Variants in USP34 observed in about 807,000 individuals in gnomAD.
USP34 encodes the protein ubiquitin specific peptidase 34.
A neutral mutation model predicts 460.3 loss-of-function variants in USP34; 70 were observed. The observed-to-expected ratio is 0.15, with a 90% CI of 0.13 to 0.19. USP34 has a LOEUF of 0.19. Ranked by LOEUF, USP34 falls within the 10% of genes least tolerant of loss-of-function variation. The pLI, the probability that USP34 is intolerant of heterozygous loss-of-function variation, is 1.00. For missense variants in USP34, 3,985 were observed against 4,236.2 expected, an observed-to-expected ratio of 0.94 and a Z score of 1.65; for synonymous variants, 1,647 against 1,405.3, an observed-to-expected ratio of 1.17 and a Z score of -3.85.
intron 1 of USP34, among the ~76,000 whole-genome samples, chr2:61,452,173 C>CAA (rs1348958546): frequency 3.5e-4 from 24 of 68,778 alleles, no homozygotes; most frequent in African/African-American, 7.0e-4. Context: ...GACTCCGTCT[C>CAA]AAAAAAAAAA....
chr2:61,327,103 T>A (rs1376019344), intron 20 of USP34, among the ~76,000 whole-genome samples: 2 of 152,044 alleles, frequency 1.3e-5, no homozygotes, highest in African/African-American at 4.8e-5. Flanking sequence ...CTTAATTCAA[T>A]GTCCTGTAAT....
chr2:61,340,631 G>A (rs745452101), intron 16 of USP34, among the ~76,000 whole-genome samples: 38 of 152,116 alleles, frequency 2.5e-4, no homozygotes, highest in Non-Finnish European at 4.3e-4. Flanking sequence ...TAAGGTATGT[G>A]GTAGAATCTC....
At chr2:61,446,613 T>A (rs1695124594) in intron 1 of USP34, among the ~76,000 whole-genome samples, 1 of 151,966 alleles carries the variant, frequency 6.6e-6, no homozygotes, top group Non-Finnish European at 1.5e-5. Context: ...CTGGCCAACA[T>A]GGTGAAGCCC....
At chr2:61,209,710 T>G (rs1435417500) in intron 69 of USP34, among the ~76,000 whole-genome samples, 2 of 152,214 alleles carry the variant, frequency 1.3e-5, no homozygotes, top group Non-Finnish European at 2.9e-5. Flanking sequence ...TTACTACTTA[T>G]TTCAAAAAAA....
intron 1 of USP34, among the ~76,000 whole-genome samples, chr2:61,430,551 A>G (rs781615452): frequency 6.6e-6 from 1 of 152,224 alleles, no homozygotes; most frequent in Non-Finnish European, 1.5e-5. Flanking sequence ...TGTGGTTCTT[A>G]TATGAGTGTA....
Position 61,223,178 on chromosome 2 carries a change from A to C in USP34, c.7645-14T>G. The C allele has an allele frequency of 6.2e-7, 1 of 1,613,356 alleles. No individual in the cohort carries two copies. The highest frequency in any genetic ancestry group is 8.5e-7 in the Non-Finnish European group (1 of 1,179,558). The stretch of plus-strand genomic sequence containing the variant: ...GAAGGGAAATCCCTGTCAAAAGCAA[A>C]AGTTGTTCATTTAAGAACCGTTATT... On this transcript the variant is annotated splice_polypyrimidine_tract_variant and intron_variant, in intron 63 of 79. Coordinates refer to ENST00000398571, the MANE Select transcript of USP34 (RefSeq NM_014709.4).
At chr2:61,205,882 A>C in intron 72 of USP34, 135 bp downstream of exon 72, 1 of 606,160 alleles carries the variant, frequency 1.6e-6, no homozygotes, top group Non-Finnish European at 2.9e-6. Context: ...TTTTCTTAGG[A>C]CCTGCTAGCT....
intron 74 of USP34, among the ~76,000 whole-genome samples, 164 bp from the exon 75 acceptor site, chr2:61,203,427 C>T (rs546720297): frequency 5.5e-4 from 83 of 152,072 alleles, no homozygotes; most frequent in Admixed American, 1.8e-3. Context: ...TCTTAATTGT[C>T]GTAAGTTTAT....
rs1449650921 is a variant in USP34 at position 61,350,381 on chromosome 2, G to A, written c.1386C>T (p.Tyr462=). 1 of 1,607,136 alleles carries A rather than the reference G, an allele frequency of 6.2e-7. No individual in the cohort carries two copies. Among genetic ancestry groups the A allele is most frequent in the East Asian group, 2.2e-5 (1 of 44,772 alleles). The stretch of plus-strand genomic sequence containing the variant: ...GTGCTTTAATTAACATGGATGCCAA[G>A]TACAGTGTCTAAAAAAAAGAGGGAG... ...EPSVHTEQTL[Y]LASMLIKALW... is the part of the protein sequence containing the mutation. The change falls in exon 12 of 80, where the codon TAC becomes TAT. Residue 462 remains tyrosine (Y), a synonymous_variant. Transcript: ENST00000398571.
At chr2:61,366,257 A>C (rs1014472455) in intron 10 of USP34, among the ~76,000 whole-genome samples, 7 of 152,300 alleles carry the variant, frequency 4.6e-5, no homozygotes, top group Admixed American at 2.6e-4. Flanking sequence ...ATAGGTAAAG[A>C]AAGTTGTAGC....
chr2:61,379,871 T>C (rs1213739237), intron 7 of USP34, among the ~76,000 whole-genome samples: 2 of 152,276 alleles, frequency 1.3e-5, no homozygotes, highest in Admixed American at 1.3e-4. Flanking sequence ...TTATTCCTCT[T>C]TCTCAAAACA....
chr2:61,315,001 A>T (rs1473202052), intron 23 of USP34, 27 bp from the exon 24 acceptor site: 2 of 1,585,994 alleles, frequency 1.3e-6, no homozygotes, highest in Non-Finnish European at 1.7e-6. Context: ...TGGTATCTCT[A>T]AATTTTGTTT....
At chr2:61,330,584 C>A (rs1263921709) in intron 20 of USP34, among the ~76,000 whole-genome samples, 1 of 152,170 alleles carries the variant, frequency 6.6e-6, no homozygotes. Context: ...CAGTGTGACT[C>A]CTCCTCTTCT....
intron 7 of USP34, among the ~76,000 whole-genome samples, chr2:61,378,913 G>GAAA (rs34463913): frequency 0.14 from 8,209 of 58,020 alleles, 1,200 homozygotes; most frequent in East Asian, 0.18. Context: ...TCAAAAAAAC[G>GAAA]AAAAAAAAAA....
At position 61,220,376 on chromosome 2, in the gene USP34, A is replaced by C; in HGVS notation, c.7981T>G (p.Leu2661Val). ...PRNKLAHSWV[L>V]QNMENWVERF... ...TCGACCCAGTTTTCCATATTCTGTA[A>C]GACCCAGCTGTGTGCCAGTTTATTT... is the stretch of plus-strand genomic sequence containing the variant. Residue 2661 changes from leucine (L) to valine (V), a missense_variant, in exon 67 of 80, where the codon TTA becomes GTA. Coordinates refer to ENST00000398571, the MANE Select transcript of USP34 (RefSeq NM_014709.4). The C allele has an allele frequency of 1.2e-6, 2 of 1,614,034 alleles. No homozygotes were observed. The highest frequency in any genetic ancestry group is 1.7e-6 in the Non-Finnish European group (2 of 1,179,946).
chr2:61,445,937 G>C (rs957731054), intron 1 of USP34, among the ~76,000 whole-genome samples: 3 of 150,492 alleles, frequency 2.0e-5, no homozygotes, highest in African/African-American at 7.4e-5. Context: ...AACACAGTGA[G>C]ACTCTGTTTC....
chr2:61,267,635 A>G (rs1689090894), intron 41 of USP34, among the ~76,000 whole-genome samples: 1 of 151,474 alleles, frequency 6.6e-6, no homozygotes, highest in Admixed American at 6.6e-5. Context: ...TTTGTTTGAG[A>G]CAGAGTCTTG....
chr2:61,201,517 T>C (rs1198884013), intron 75 of USP34, among the ~76,000 whole-genome samples: 1 of 152,166 alleles, frequency 6.6e-6, no homozygotes, highest in Non-Finnish European at 1.5e-5. Context: ...CCGGCCCTTA[T>C]AGAAAGTTCT....
chr2:61,282,227 G>A (rs1689555976), intron 37 of USP34, among the ~76,000 whole-genome samples: 1 of 152,136 alleles, frequency 6.6e-6, no homozygotes, highest in Non-Finnish European at 1.5e-5. Flanking sequence ...CTGACCTCAT[G>A]TGATCCACCC....
Sources: gnomAD v4.1 joint callset for allele counts (sites outside exome capture counted in the v4.1 genomes callset) on GRCh38, gnomAD v4.1.1 for gene constraint, MANE v1.5 for transcripts, NCBI Gene and HGNC (gene_info 2026-07-23, HGNC 2026-07-21) for gene names.